KCNMB2: variants seen among roughly 807,000 people sequenced by gnomAD.
KCNMB2 encodes calcium-activated potassium channel subunit beta-2.
KCNMB2 carries 9 observed loss-of-function variants against 24.5 expected under a neutral mutation model. That is an observed-to-expected ratio of 0.37 (90% confidence interval 0.22 to 0.64). The LOEUF (loss-of-function observed/expected upper bound fraction) is 0.64. Ranked by LOEUF, KCNMB2 falls within the 30% of genes least tolerant of loss-of-function variation. The pLI, the probability that KCNMB2 is intolerant of heterozygous loss-of-function variation, is 0.63. For missense variants in KCNMB2, 226 were observed against 284.3 expected (o/e 0.79, Z 1.47); for synonymous variants, 109 against 104.4 (o/e 1.04, Z -0.27).
intron 1 of KCNMB2, among the ~76,000 whole-genome samples, chr3:178,663,562 T>G (rs531603599): frequency 6.6e-6 from 1 of 152,226 alleles, no homozygotes; most frequent in Admixed American, 6.5e-5. Flanking sequence ...CCCTTGAGTC[T>G]CAGGGTAGGC....
chr3:178,745,182 C>T (rs1008733811), intron 1 of KCNMB2, among the ~76,000 whole-genome samples: 1 of 152,156 alleles, frequency 6.6e-6, no homozygotes, highest in Non-Finnish European at 1.5e-5. Context: ...TAAAGACATA[C>T]CCAAGACGGG....
At chr3:178,749,603 G>A (rs1723776570) in intron 1 of KCNMB2, among the ~76,000 whole-genome samples, 1 of 152,192 alleles carries the variant, frequency 6.6e-6, no homozygotes, top group African/African-American at 2.4e-5. Context: ...CTCTGTGGAG[G>A]GCAAGGAAGC....
intron 2 of KCNMB2, among the ~76,000 whole-genome samples, chr3:178,825,283 T>C (rs1308287419): frequency 6.6e-6 from 1 of 152,194 alleles, no homozygotes; most frequent in Non-Finnish European, 1.5e-5. Flanking sequence ...GTTGAGGGGA[T>C]TGGTTTCTTT....
At chr3:178,811,726 A>C (rs1195458792) in intron 2 of KCNMB2, among the ~76,000 whole-genome samples, 1 of 152,188 alleles carries the variant, frequency 6.6e-6, no homozygotes, top group African/African-American at 2.4e-5. Context: ...ATTTATACCT[A>C]ACATGGGAAT....
chr3:178,705,595 G>GT (rs1302235072), intron 1 of KCNMB2, among the ~76,000 whole-genome samples: 2 of 152,086 alleles, frequency 1.3e-5, no homozygotes, highest in East Asian at 3.8e-4. Flanking sequence ...TTAAAAATAA[G>GT]TTCCAGATAC....
At chr3:178,792,018 G>T (rs1364206667) in intron 1 of KCNMB2, among the ~76,000 whole-genome samples, 1 of 152,010 alleles carries the variant, frequency 6.6e-6, no homozygotes, top group Non-Finnish European at 1.5e-5. Context: ...TGAAAGAAAA[G>T]GATGTTAAGC....
chr3:178,620,024 T>C (rs1395648513), intron 1 of KCNMB2, among the ~76,000 whole-genome samples: 1 of 152,208 alleles, frequency 6.6e-6, no homozygotes, highest in Non-Finnish European at 1.5e-5. Flanking sequence ...TTAATATGTT[T>C]CTCATTAATC....
At chr3:178,623,379 C>T (rs1718990423) in intron 1 of KCNMB2, among the ~76,000 whole-genome samples, 1 of 152,184 alleles carries the variant, frequency 6.6e-6, no homozygotes. Context: ...ATTCTACTAC[C>T]AAAGCCTCTG....
At chr3:178,647,953 T>C (rs1203011090) in intron 1 of KCNMB2, among the ~76,000 whole-genome samples, 13 of 152,076 alleles carry the variant, frequency 8.5e-5, no homozygotes, top group Admixed American at 8.5e-4. Flanking sequence ...GATATAATTA[T>C]ATATAAATAA....
chr3:178,630,329 C>CA (rs1719272074), intron 1 of KCNMB2, among the ~76,000 whole-genome samples: 1 of 152,192 alleles, frequency 6.6e-6, no homozygotes, highest in Non-Finnish European at 1.5e-5. Flanking sequence ...TGTGTGAACA[C>CA]AAAATCATCT....
chr3:178,718,052 T>C (rs762447787), intron 1 of KCNMB2, among the ~76,000 whole-genome samples: 1 of 152,200 alleles, frequency 6.6e-6, no homozygotes, highest in African/African-American at 2.4e-5. Flanking sequence ...CTTTTGTAAA[T>C]AGAGTTTACT....
intron 1 of KCNMB2, among the ~76,000 whole-genome samples, chr3:178,780,059 A>ATT (rs1560018470): frequency 2.3e-4 from 26 of 112,598 alleles, no homozygotes; most frequent in African/African-American, 6.9e-4. Flanking sequence ...TTTTTAAAAA[A>ATT]AAAAAAAAAA....
intron 1 of KCNMB2, among the ~76,000 whole-genome samples, chr3:178,787,276 T>G (rs2108437183): frequency 6.6e-6 from 1 of 152,320 alleles, no homozygotes. Flanking sequence ...GTTGCAGACA[T>G]TTTTCACACA....
At chr3:178,716,586 C>T (rs561077005) in intron 1 of KCNMB2, among the ~76,000 whole-genome samples, 2 of 152,024 alleles carry the variant, frequency 1.3e-5, no homozygotes, top group East Asian at 1.9e-4. Flanking sequence ...TGGGATTACA[C>T]GCATGCTCCA....
chr3:178,641,136 C>A (rs1719713792), intron 1 of KCNMB2, among the ~76,000 whole-genome samples: 1 of 152,100 alleles, frequency 6.6e-6, no homozygotes, highest in Non-Finnish European at 1.5e-5. Context: ...AGTTTCAGTT[C>A]TCTAACTTTG....
intron 1 of KCNMB2, among the ~76,000 whole-genome samples, chr3:178,665,110 T>C (rs1376525650): frequency 2.6e-5 from 4 of 152,118 alleles, no homozygotes; most frequent in African/African-American, 9.7e-5. Context: ...TGGCATTTGT[T>C]TGCTGACAGA....
At chr3:178,712,941 G>C (rs1722500742) in intron 1 of KCNMB2, among the ~76,000 whole-genome samples, 1 of 152,182 alleles carries the variant, frequency 6.6e-6, no homozygotes, top group South Asian at 2.1e-4. Flanking sequence ...AAAGCAACTG[G>C]CAAACTCATA....
intron 1 of KCNMB2, among the ~76,000 whole-genome samples, chr3:178,665,703 G>A (rs931309499): frequency 2.0e-5 from 3 of 152,134 alleles, no homozygotes; most frequent in African/African-American, 7.2e-5. Flanking sequence ...CTGCTCTGAT[G>A]GTTGGCAATA....
chr3:178,666,469 G>A (rs1412210328), intron 1 of KCNMB2, among the ~76,000 whole-genome samples: 2 of 152,056 alleles, frequency 1.3e-5, no homozygotes, highest in Non-Finnish European at 2.9e-5. Context: ...AAAAATTGTA[G>A]CTATTGCCAA....
Sources: gnomAD v4.1 joint callset for allele counts (sites outside exome capture counted in the v4.1 genomes callset) on GRCh38, gnomAD v4.1.1 for gene constraint, MANE v1.5 for transcripts, NCBI Gene and HGNC (gene_info 2026-07-23, HGNC 2026-07-21) for gene names.